The following TTC24 variants were observed in gnomAD, a reference collection of about 807,000 sequenced individuals.
TTC24 encodes the protein tetratricopeptide repeat protein 24.
TTC24 carries 54 observed loss-of-function variants against 63.3 expected under a neutral mutation model. The observed-to-expected ratio is 0.85, with a 90% CI of 0.69 to 1.07. The LOEUF (loss-of-function observed/expected upper bound fraction) is 1.07, where lower values mean the gene tolerates loss of function less well. TTC24 is among the 50% of genes least tolerant of loss of function. TTC24 has a pLI of 0.00. For synonymous variants in TTC24, 276 were observed against 304.3 expected (o/e 0.91, Z 0.97); for missense variants, 680 against 730.5 (o/e 0.93, Z 0.80).
chr1:156,581,856 C>T lies in TTC24; in HGVS notation c.492C>T (p.Tyr164=), dbSNP rs1677007095. The T allele has an allele frequency of 6.5e-7, 1 of 1,549,938 alleles. No individual in the cohort carries two copies. The highest frequency in any genetic ancestry group is 2.0e-5 in the Admixed American group (1 of 50,924). The change falls in exon 2 of 11, where the codon TAC becomes TAT. Residue 164 remains tyrosine (Y), a synonymous_variant. Transcript: ENST00000368236. Reference sequence around the variant, plus strand: ...CCTGGGCAAAAATGGGAGCCTGCTACCAGGCTCTGGGACAGCCTGAGCTAG... The same window carrying T: ...CCTGGGCAAAAATGGGAGCCTGCTATCAGGCTCTGGGACAGCCTGAGCTAG... ...GEAWAKMGAC[Y]QALGQPELAA...
rs187964968 is a variant in TTC24, at chr1:156,581,683, C to T, written c.319C>T (p.Pro107Ser). 4.2e-5 allele frequency: 65 copies of T among 1,551,784 alleles called. No homozygotes were observed. The Middle Eastern group carries it at 5.0e-4, about 12-fold the overall frequency. ...RGLELLLRAH[P>S]EEKAQGRRHG... ...CCTTGAGCTACTCCTGCGAGCCCAC[C>T]CTGAAGAGAAGGCACAGGGCAGGCG... The change falls in exon 2 of 11, where the codon CCT (proline) becomes TCT (serine). Residue 107 changes from proline to serine, a missense_variant. By Grantham distance (74) the Pro-to-Ser change is moderately conservative (BLOSUM62 -1). Coordinates refer to ENST00000368236, the MANE Select transcript of TTC24 (RefSeq NM_001105669.4).
Position 156,586,728 on chromosome 1 carries a change from A to G in TTC24, c.*178A>G, listed in dbSNP as rs1318174206. On this transcript the variant is annotated 3_prime_UTR_variant, in exon 11 of 11. Coordinates refer to ENST00000368236, the MANE Select transcript of TTC24 (RefSeq NM_001105669.4). ...AGGGCTTTGCAGGCTCGGCCCTGAG[A>G]GGTTCTGTTTGTTCCTCCTTGGGAT... 1 of 494,674 alleles carries G rather than the reference A, an allele frequency of 2.0e-6. No homozygotes were observed. Among genetic ancestry groups the G allele is most frequent in the African/African-American group, 1.9e-5 (1 of 52,860 alleles). The allele number at this position is 494,674 out of a possible 1,614,324, so 30.6% of individuals were successfully genotyped here.
Position 156,582,454 on chromosome 1 carries a change from G to A in TTC24, c.910+20G>A, listed in dbSNP as rs748801099. ...TACACGGTGGGTGCCTGGGGCCGGG[G>A]AATGGGACTGGGACTAAGACACTAA... On this transcript the variant is annotated intron_variant, in intron 3 of 10. Transcript: ENST00000368236. 28 of 1,610,532 alleles carry A rather than the reference G, an allele frequency of 1.7e-5. No homozygotes were observed. The highest frequency in any genetic ancestry group is 4.0e-5 in the African/African-American group (3 of 74,848).
intron 1 of TTC24, among the ~76,000 whole-genome samples, chr1:156,580,158 A>T (rs1676954526): frequency 6.6e-6 from 1 of 152,110 alleles, no homozygotes; most frequent in Non-Finnish European, 1.5e-5. Flanking sequence ...GAAGAAATGG[A>T]GAGAGAGCTT....
In TTC24 at chr1:156,581,861, C is replaced by T; in HGVS notation, c.497C>T (p.Ala166Val). ...GCAAAAATGGGAGCCTGCTACCAGG[C>T]TCTGGGACAGCCTGAGCTAGCAGCC... ...AWAKMGACYQ[A>V]LGQPELAAHC... is the part of the protein sequence containing the mutation. Residue 166 changes from alanine (A) to valine (V), a missense_variant, in exon 2 of 11, where the codon GCT (alanine) becomes GTT (valine). Transcript: ENST00000368236. 1 of 1,549,584 alleles carries T rather than the reference C, an allele frequency of 6.5e-7. No individual in the cohort carries two copies. Among genetic ancestry groups the T allele is most frequent in the African/African-American group, 1.4e-5 (1 of 73,130 alleles).
chr1:156,580,303 A>T (rs1676957079), intron 1 of TTC24, among the ~76,000 whole-genome samples: 1 of 152,128 alleles, frequency 6.6e-6, no homozygotes, highest in Non-Finnish European at 1.5e-5. Context: ...CCCAGTGCCT[A>T]GTGTGGTTCC....
rs762820205 is a variant in TTC24, at chr1:156,582,077, C to G, written c.706+7C>G. ...ACTGAGAGGCGACTGCTGGGTGAGA[C>G]CTTCGGGCAGGGAAGGCATGGGATC... On this transcript the variant is annotated splice_region_variant and intron_variant, in intron 2 of 10. Transcript: ENST00000368236. 6.8e-7 allele frequency: 1 copy of G among 1,464,678 alleles called. No homozygotes were observed. 90.7% of individuals were successfully genotyped at this position (1,464,678 alleles called of 1,614,324 possible). A position where few individuals can be genotyped will look rare whatever the true frequency, so the allele number is the denominator to read the frequency against.
chr1:156,581,260 G>T (rs752063228), intron 1 of TTC24, 101 bp from the exon 2 acceptor site: 39 of 801,366 alleles, frequency 4.9e-5, no homozygotes, highest in Admixed American at 2.6e-4. Flanking sequence ...AACCCTGAGG[G>T]TCATGCTAGG....
chr1:156,582,798 A>C (rs1470458086), intron 3 of TTC24, among the ~76,000 whole-genome samples: 2 of 152,116 alleles, frequency 1.3e-5, no homozygotes, highest in Non-Finnish European at 2.9e-5. Flanking sequence ...GGCCATTAAC[A>C]CCTGCCTTGC....
rs368111690 is a variant in TTC24 at position 156,583,848 on chromosome 1, G to T, written c.1204G>T (p.Val402Leu). The T allele has an allele frequency of 6.3e-7, 1 of 1,584,156 alleles. No homozygotes were observed. The highest frequency in any genetic ancestry group is 2.3e-5 in the East Asian group (1 of 43,160). Residue 402 changes from valine to leucine, a missense_variant, in exon 6 of 11, where the codon GTG becomes TTG. Coordinates refer to ENST00000368236, the MANE Select transcript of TTC24 (RefSeq NM_001105669.4). The surrounding 1 kb of genome is among the most constrained non-coding windows in gnomAD (Gnocchi z 4.0). ...ERLVAKLADTVRTRLAQVGLV... is the reference protein window; with the variant it reads ...ERLVAKLADTLRTRLAQVGLV... The stretch of plus-strand genomic sequence containing the variant: ...GCTGGTGGCCAAGCTGGCAGACACC[G>T]TGAGGACGCGCTTGGCCCAGGTGGG...
In TTC24 at chr1:156,586,589, CTGT is replaced by C. The variant is rs1677182786; in HGVS notation, c.*40_*42del. The C allele has an allele frequency of 6.4e-7, 1 of 1,568,866 alleles. No individual in the cohort carries two copies. The highest frequency in any genetic ancestry group is 2.3e-5 in the East Asian group (1 of 44,200). ...GCCTCAGCCCTCATCCCTGAAGCAC[CTGT>C]CCAACACGCACACACTAGGGGGTCC... On this transcript the variant is annotated 3_prime_UTR_variant, in exon 11 of 11. Coordinates refer to ENST00000368236, the MANE Select transcript of TTC24 (RefSeq NM_001105669.4).
rs778121962 is a variant in TTC24, at chr1:156,584,881, C to T, written c.1256C>T (p.Ser419Leu). ...VGLVQTHTLTSAPGRLQAPGG... is the reference protein window; with the variant it reads ...VGLVQTHTLTLAPGRLQAPGG... ...TTTACTCCACTTCATTCCCAGACTTCGGCTCCGGGAAGACTCCAGGCTCCA... is the reference window on the plus strand; with the variant it reads ...TTTACTCCACTTCATTCCCAGACTTTGGCTCCGGGAAGACTCCAGGCTCCA... Residue 419 changes from serine (S) to leucine (L), a missense_variant, in exon 7 of 11, where the codon TCG becomes TTG. Ser to Leu is a moderately radical substitution (Grantham distance 145, BLOSUM62 -2). Transcript: ENST00000368236. The T allele has an allele frequency of 2.4e-5, 37 of 1,570,114 alleles. No individual in the cohort carries two copies. Among genetic ancestry groups the T allele is most frequent in the Middle Eastern group, 3.4e-4 (2 of 5,926 alleles).
At chr1:156,582,975 G>C (rs1677043897) in intron 3 of TTC24, 67 bp from the exon 4 acceptor site, 1 of 1,552,578 alleles carries the variant, frequency 6.4e-7, no homozygotes, top group African/African-American at 1.4e-5. Context: ...TTGGTTGCTG[G>C]AGGGTGGGGT....
intron 3 of TTC24, among the ~76,000 whole-genome samples, 157 bp from the exon 4 acceptor site, chr1:156,582,874 ATGGGGCCAGGC>A (rs1029132162): frequency 3.9e-5 from 6 of 152,254 alleles, no homozygotes; most frequent in African/African-American, 1.4e-4. Flanking sequence ...AGAACTCAGG[ATGGGGCCAGGC>A]TGGGTGTGGA....
rs967559705 is a variant in TTC24 at position 156,587,268 on chromosome 1, C to T, written c.*718C>T. On this transcript the variant is annotated 3_prime_UTR_variant, in exon 11 of 11. Coordinates refer to ENST00000368236, the MANE Select transcript of TTC24 (RefSeq NM_001105669.4). Reference sequence around the variant, plus strand: ...CTTCACAAGTGTATTCTCCTCTAATCCTCACAACAAATATATGAGGTGCTA... The same window carrying T: ...CTTCACAAGTGTATTCTCCTCTAATTCTCACAACAAATATATGAGGTGCTA... Among the ~76,000 whole-genome samples the T allele has an allele frequency of 2.4e-4, 36 of 152,120 alleles. No individual in the cohort carries two copies. The highest frequency in any genetic ancestry group is 2.1e-4 in the Non-Finnish European group (14 of 68,042).
chr1:156,581,378 A>G lies in TTC24; in HGVS notation c.14A>G (p.Asn5Ser). 2 of 1,506,848 alleles carry G rather than the reference A, an allele frequency of 1.3e-6. No individual in the cohort carries two copies. The highest frequency in any genetic ancestry group is 2.8e-5 in the African/African-American group (2 of 71,298). The allele number at this position is 1,506,848 out of a possible 1,614,324, so 93.3% of individuals were successfully genotyped here. Residue 5 changes from asparagine (N) to serine (S), a missense_variant, in exon 2 of 11, where the codon AAC becomes AGC. By Grantham distance (46) the Asn-to-Ser change is conservative. Transcript: ENST00000368236. MSSP[N>S]PEDVPRRPEP... is the part of the protein sequence containing the mutation. The stretch of plus-strand genomic sequence containing the variant: ...TTTGTCAGCCCTATGTCTTCCCCCA[A>G]CCCTGAGGATGTGCCCCGGAGGCCA...
intron 1 of TTC24, 65 bp from the exon 2 acceptor site, chr1:156,581,296 A>AG: frequency 8.0e-7 from 1 of 1,249,418 alleles, no homozygotes; most frequent in Non-Finnish European, 1.1e-6. Context: ...AATTGCCCTA[A>AG]GGGGGTCCTG....
intron 1 of TTC24, among the ~76,000 whole-genome samples, chr1:156,579,977 C>T (rs2102466317): frequency 1.3e-5 from 2 of 152,320 alleles, no homozygotes; most frequent in Middle Eastern, 6.8e-3. Flanking sequence ...GTCTTTTCCA[C>T]TCTTTTTCCC....
intron 1 of TTC24, among the ~76,000 whole-genome samples, chr1:156,580,584 TCTC>T (rs1676963681): frequency 6.6e-6 from 1 of 152,060 alleles, no homozygotes; most frequent in Non-Finnish European, 1.5e-5. Context: ...TTCAAGCAAT[TCTC>T]CTGCCTCAGC....
Sources: gnomAD v4.1 joint callset for allele counts (sites outside exome capture counted in the v4.1 genomes callset) on GRCh38, gnomAD v4.1.1 for gene constraint, Gnocchi (gnomAD v3.1) non-coding constraint, MANE v1.5 for transcripts, NCBI Gene and HGNC (gene_info 2026-07-23, HGNC 2026-07-21) for gene names.